Variants in L3MBTL4 observed in about 807,000 individuals in gnomAD.
L3MBTL4 encodes the protein lethal(3)malignant brain tumor-like protein 4.
In L3MBTL4, 70 loss-of-function variants were observed where a neutral mutation model predicts 84.5. The ratio of observed to expected loss-of-function variants is 0.83; its 90% CI spans 0.68 to 1.01. L3MBTL4 has a LOEUF of 1.01. Ranked by LOEUF, L3MBTL4 falls within the 50% of genes least tolerant of loss-of-function variation. The probability of loss-of-function intolerance (pLI) is 0.00; values close to 1 mark genes in which losing one functional copy is unlikely to be tolerated. For synonymous variants in L3MBTL4, 274 were observed against 259.8 expected (o/e 1.05, Z -0.52); for missense variants, 715 against 754.8 (o/e 0.95, Z 0.62).
At chr18:6,183,814 C>G (rs538223349) in intron 12 of L3MBTL4, among the ~76,000 whole-genome samples, 2 of 152,114 alleles carry the variant, frequency 1.3e-5, no homozygotes, top group African/African-American at 2.4e-5. Context: ...TATTCAATAA[C>G]TCTAAGTATT....
intron 1 of L3MBTL4, among the ~76,000 whole-genome samples, chr18:6,379,677 G>A (rs866356095): frequency 7.9e-5 from 12 of 152,184 alleles, no homozygotes; most frequent in East Asian, 3.9e-4. Flanking sequence ...CGACTTGATC[G>A]TGGTGGATAA....
chr18:6,032,302 A>G, intron 16 of L3MBTL4: 1 of 984,200 alleles, frequency 1.0e-6, no homozygotes, highest in Non-Finnish European at 1.2e-6. Flanking sequence ...AAAAAAAAGA[A>G]CTAACAACAA....
At chr18:5,978,547 T>C (rs2144952362) in intron 16 of L3MBTL4, among the ~76,000 whole-genome samples, 1 of 152,300 alleles carries the variant, frequency 6.6e-6, no homozygotes, top group South Asian at 2.1e-4. Context: ...CTGGAGTGGC[T>C]CTTATTTTGA....
At chr18:6,111,846 A>G (rs1314219027) in intron 14 of L3MBTL4, among the ~76,000 whole-genome samples, 1 of 152,152 alleles carries the variant, frequency 6.6e-6, no homozygotes, top group East Asian at 1.9e-4. Context: ...TTTTATGGTG[A>G]TAACAATTAA....
intron 13 of L3MBTL4, among the ~76,000 whole-genome samples, chr18:6,139,215 T>C (rs1212040507): frequency 7.2e-5 from 11 of 152,140 alleles, no homozygotes; most frequent in Non-Finnish European, 1.5e-4. Flanking sequence ...TACACCATAC[T>C]ATATGCTACA....
chr18:6,361,192 T>C (rs550873056), intron 1 of L3MBTL4, among the ~76,000 whole-genome samples: 1 of 151,812 alleles, frequency 6.6e-6, no homozygotes, highest in Non-Finnish European at 1.5e-5. Context: ...ACACTGAGAG[T>C]CCCACCCCCA....
intron 16 of L3MBTL4, among the ~76,000 whole-genome samples, chr18:6,052,540 C>T (rs1258984376): frequency 6.6e-6 from 1 of 152,236 alleles, no homozygotes; most frequent in African/African-American, 2.4e-5. Context: ...TACTGCACTT[C>T]TACGCCTCTT....
chr18:5,980,408 C>T (rs1371072806), intron 16 of L3MBTL4, among the ~76,000 whole-genome samples: 3 of 147,282 alleles, frequency 2.0e-5, no homozygotes, highest in South Asian at 2.1e-4. Flanking sequence ...TTGTTGAAAA[C>T]GTATAAATAA....
intron 1 of L3MBTL4, among the ~76,000 whole-genome samples, chr18:6,369,554 A>G (rs74612110): frequency 2.3e-3 from 355 of 152,330 alleles, no homozygotes; most frequent in African/African-American, 8.1e-3. Context: ...CATGGCTTAG[A>G]AACAGAAAAG....
At chr18:6,265,604 T>TA (rs987256912) in intron 4 of L3MBTL4, among the ~76,000 whole-genome samples, 8 of 152,162 alleles carry the variant, frequency 5.3e-5, no homozygotes, top group African/African-American at 1.9e-4. Flanking sequence ...CTGGGTTAAG[T>TA]AAAAAAACTA....
chr18:6,076,384 T>A (rs1178305119), intron 16 of L3MBTL4, among the ~76,000 whole-genome samples: 2 of 152,126 alleles, frequency 1.3e-5, no homozygotes, highest in Non-Finnish European at 1.5e-5. Context: ...TTTATAAAAT[T>A]TTGCAAACAG....
chr18:6,140,010 C>A (rs910288443), intron 13 of L3MBTL4, among the ~76,000 whole-genome samples: 1 of 152,206 alleles, frequency 6.6e-6, no homozygotes, highest in Non-Finnish European at 1.5e-5. Flanking sequence ...CACCCCAGCA[C>A]GTCAGTCACT....
intron 16 of L3MBTL4, chr18:6,032,098 T>C (rs1401936531): frequency 9.4e-6 from 2 of 211,676 alleles, no homozygotes; most frequent in Non-Finnish European, 1.8e-5. Context: ...CTGCCTCAGC[T>C]TCCCCAGTAG....
chr18:6,106,054 G>C (rs2058994923), intron 14 of L3MBTL4, among the ~76,000 whole-genome samples: 1 of 152,138 alleles, frequency 6.6e-6, no homozygotes, highest in Non-Finnish European at 1.5e-5. Context: ...CCCCTGTGAA[G>C]TAGGGACTGT....
chr18:6,310,408 G>A (rs1371841516), intron 3 of L3MBTL4, among the ~76,000 whole-genome samples: 1 of 152,232 alleles, frequency 6.6e-6, no homozygotes, highest in Non-Finnish European at 1.5e-5. Context: ...GGCTAATCCT[G>A]AAGGAATGGC....
At chr18:6,273,697 G>A (rs1026020757) in intron 4 of L3MBTL4, among the ~76,000 whole-genome samples, 2 of 152,226 alleles carry the variant, frequency 1.3e-5, no homozygotes, top group African/African-American at 2.4e-5. Context: ...AATGCCTGAA[G>A]AGTCCCAACT....
intron 1 of L3MBTL4, among the ~76,000 whole-genome samples, chr18:6,342,852 A>G (rs2052676096): frequency 6.6e-6 from 1 of 152,174 alleles, no homozygotes; most frequent in African/African-American, 2.4e-5. Flanking sequence ...CATTAGCTTT[A>G]AGAACACACT....
intron 16 of L3MBTL4, among the ~76,000 whole-genome samples, chr18:5,975,259 A>C (rs2052857152): frequency 6.6e-6 from 1 of 152,224 alleles, no homozygotes; most frequent in African/African-American, 2.4e-5. Context: ...TAATCCCACT[A>C]AAAACGGAGA....
intron 10 of L3MBTL4, among the ~76,000 whole-genome samples, chr18:6,234,741 T>C (rs2047145403): frequency 6.6e-6 from 1 of 152,178 alleles, no homozygotes; most frequent in Admixed American, 6.5e-5. Context: ...AGTTCAACCA[T>C]TGTGGAAGAC....
Sources: gnomAD v4.1 joint callset for allele counts (sites outside exome capture counted in the v4.1 genomes callset) on GRCh38, gnomAD v4.1.1 for gene constraint, MANE v1.5 for transcripts, NCBI Gene and HGNC (gene_info 2026-07-23, HGNC 2026-07-21) for gene names.